The following DNAH7 variants were observed in gnomAD, a reference collection of about 807,000 sequenced individuals.
DNAH7 encodes dynein axonemal heavy chain 7.
DNAH7 carries 397 observed loss-of-function variants against 444.6 expected under a neutral mutation model. The ratio of observed to expected loss-of-function variants is 0.89; its 90% confidence interval spans 0.82 to 0.97. The LOEUF (loss-of-function observed/expected upper bound fraction) is 0.97, where lower values mean the gene tolerates loss of function less well. Among genes scored for constraint, DNAH7 ranks in the 50% least tolerant of loss-of-function variants. The pLI is 0.00. For missense variants in DNAH7, 4,902 were observed against 4,800.8 expected (o/e 1.02, Z -0.62); for synonymous variants, 1,636 against 1,624.4 (o/e 1.01, Z -0.17).
chr2:195,933,700 G>A (rs1688854151), intron 21 of DNAH7, among the ~76,000 whole-genome samples: 1 of 139,728 alleles, frequency 7.2e-6, no homozygotes, highest in African/African-American at 2.7e-5. Flanking sequence ...ATTGAACAAT[G>A]AGAACACATG....
chr2:195,866,157 A>G (rs1700329845), intron 40 of DNAH7, among the ~76,000 whole-genome samples: 1 of 152,244 alleles, frequency 6.6e-6, no homozygotes, highest in Admixed American at 6.5e-5. Context: ...CCTATAAAAT[A>G]GAAGTAGTAT....
intron 17 of DNAH7, among the ~76,000 whole-genome samples, chr2:195,963,211 C>G (rs542047058): frequency 6.6e-6 from 1 of 152,336 alleles, no homozygotes; most frequent in East Asian, 1.9e-4. Flanking sequence ...AGTAGTTGTA[C>G]TAACTTACCT....
intron 49 of DNAH7, among the ~76,000 whole-genome samples, chr2:195,819,974 G>C (rs747840878): frequency 3.3e-5 from 5 of 152,122 alleles, no homozygotes; most frequent in Admixed American, 6.6e-5. Flanking sequence ...CCAGGATTGA[G>C]AACAATTGCT....
intron 19 of DNAH7, among the ~76,000 whole-genome samples, chr2:195,950,239 C>T (rs1328539817): frequency 6.6e-6 from 1 of 151,596 alleles, no homozygotes; most frequent in South Asian, 2.1e-4. Context: ...TGGTCCTGGG[C>T]TTTTTTTTGG....
chr2:195,931,323 G>T (rs3921798), intron 21 of DNAH7, among the ~76,000 whole-genome samples: 1 of 151,686 alleles, frequency 6.6e-6, no homozygotes, highest in African/African-American at 2.4e-5. Flanking sequence ...TGGATATTAG[G>T]CCTTTGTCAG....
In DNAH7 at chr2:195,931,292, GT is replaced by G. The variant is rs569166784; in HGVS notation, c.3471+3298del. On this transcript the variant is annotated intron_variant, in intron 21 of 64. Transcript: ENST00000312428. ...GGGGTTGTTGTTTTCTTGTAAATTT[GT>G]TTGAGTTCATTGTAGATTCTGGATA... Among the ~76,000 whole-genome samples, 768 of 152,248 alleles carry G rather than the reference GT, an allele frequency of 5.0e-3. 3 individuals carry two copies. Among genetic ancestry groups the G allele is most frequent in the Non-Finnish European group, 7.6e-3 (519 of 68,018 alleles).
intron 61 of DNAH7, among the ~76,000 whole-genome samples, chr2:195,761,146 A>AT (rs1329363000): frequency 1.3e-5 from 2 of 151,944 alleles, no homozygotes. Context: ...AGAGATTGAG[A>AT]TTTTTTTAAA....
At position 195,864,592 on chromosome 2, in the gene DNAH7, C is replaced by T; in HGVS notation, c.7063G>A (p.Ala2355Thr). ...SGRQSVTRLA[A>T]HMADYSVFQV... ...AAAACTGAATAATCAGCCATGTGGG[C>T]AGCTAATCTGGTGACAGACTGCCTT... is the stretch of plus-strand genomic sequence containing the variant. The change falls in exon 41 of 65, where the codon GCC (alanine) becomes ACC (threonine). Residue 2355 changes from alanine (A) to threonine (T), a missense_variant. Physicochemically the swap from Ala to Thr is moderately conservative, Grantham distance 58 (BLOSUM62 0). Coordinates refer to ENST00000312428, the MANE Select transcript of DNAH7 (RefSeq NM_018897.3). 1 of 1,614,146 alleles carries T rather than the reference C, an allele frequency of 6.2e-7. No individual in the cohort carries two copies. Among genetic ancestry groups the T allele is most frequent in the Non-Finnish European group, 8.5e-7 (1 of 1,180,012 alleles).
At chr2:195,757,241 T>G (rs1694121471) in intron 61 of DNAH7, among the ~76,000 whole-genome samples, 1 of 152,238 alleles carries the variant, frequency 6.6e-6, no homozygotes, top group Non-Finnish European at 1.5e-5. Context: ...GAATAAGTAA[T>G]ACAGTTCTAT....
At chr2:196,023,002 C>CAT (rs1695471098) in intron 8 of DNAH7, among the ~76,000 whole-genome samples, 2 of 152,272 alleles carry the variant, frequency 1.3e-5, no homozygotes, top group Non-Finnish European at 2.9e-5. Context: ...CAGGTGCCAG[C>CAT]ACAGTCCCTG....
At chr2:195,992,779 G>T (rs541713505) in intron 12 of DNAH7, among the ~76,000 whole-genome samples, 14 of 152,160 alleles carry the variant, frequency 9.2e-5, no homozygotes, top group Non-Finnish European at 2.1e-4. Flanking sequence ...TAACTGGTAG[G>T]ATTTGCAGCT....
At position 196,022,604 on chromosome 2, in the gene DNAH7, G is replaced by T. The variant is rs537566955; in HGVS notation, c.743+1825C>A. 1.1e-4 allele frequency among the ~76,000 whole-genome samples: 17 copies of T among 152,208 alleles called. No individual in the cohort carries two copies. The South Asian group carries it at 3.5e-3, about 32-fold the overall frequency. On this transcript the variant is annotated intron_variant, in intron 8 of 64. Transcript: ENST00000312428. ...GGGAGAAATTCAGTCACATCTTCAG[G>T]CTCCACTTCTAATTCTTGTTCTCTG...
chr2:195,821,228 A>C (rs1168922407), intron 49 of DNAH7, among the ~76,000 whole-genome samples: 1 of 152,126 alleles, frequency 6.6e-6, no homozygotes, highest in Non-Finnish European at 1.5e-5. Flanking sequence ...GACTTTTTTA[A>C]AGCACCTTTG....
intron 17 of DNAH7, among the ~76,000 whole-genome samples, chr2:195,967,683 G>T (rs549887884): frequency 6.6e-6 from 1 of 152,188 alleles, no homozygotes; most frequent in Non-Finnish European, 1.5e-5. Flanking sequence ...GTCCTGGCCT[G>T]TAAGGTTCCC....
chr2:195,835,922 A>G (rs1387443688), intron 47 of DNAH7, among the ~76,000 whole-genome samples: 1 of 152,218 alleles, frequency 6.6e-6, no homozygotes, highest in African/African-American at 2.4e-5. Flanking sequence ...CAATGTGAGC[A>G]TTATCCTTGT....
intron 12 of DNAH7, among the ~76,000 whole-genome samples, chr2:195,992,688 A>C (rs1322496866): frequency 2.0e-5 from 3 of 152,306 alleles, no homozygotes; most frequent in South Asian, 4.2e-4. Context: ...AGTATCCAAA[A>C]AATGGATTGA....
Position 196,026,917 on chromosome 2 carries a change from A to G in DNAH7, c.510T>C (p.His170=). Residue 170 remains histidine, a synonymous_variant, in exon 7 of 65, where the codon CAT becomes CAC. Coordinates refer to ENST00000312428, the MANE Select transcript of DNAH7 (RefSeq NM_018897.3). ...DILRYYYYIH[H]GIDTDHVAPM... Reference sequence around the variant, plus strand: ...GGGCTACATGGTCTGTATCAATTCCATGGTGAATATAATAGTAATATCTCT... The same window carrying G: ...GGGCTACATGGTCTGTATCAATTCCGTGGTGAATATAATAGTAATATCTCT... The G allele has an allele frequency of 1.2e-6, 2 of 1,609,124 alleles. No homozygotes were observed. Among genetic ancestry groups the G allele is most frequent in the South Asian group, 1.1e-5 (1 of 90,274 alleles).
intron 31 of DNAH7, among the ~76,000 whole-genome samples, chr2:195,890,298 A>G: frequency 6.6e-6 from 1 of 152,142 alleles, no homozygotes; most frequent in East Asian, 1.9e-4. Flanking sequence ...TGGGCTTCCC[A>G]TGCCTGTTAT....
intron 16 of DNAH7, among the ~76,000 whole-genome samples, chr2:195,970,665 A>C (rs779784983): frequency 9.2e-5 from 14 of 152,226 alleles, no homozygotes; most frequent in Non-Finnish European, 1.6e-4. Flanking sequence ...TAGTGTTCTA[A>C]TATAAGATAG....
Sources: allele counts gnomAD v4.1 joint callset (sites outside exome capture counted in the v4.1 genomes callset), GRCh38; gene constraint gnomAD v4.1.1; transcripts MANE v1.5; gene names NCBI Gene and HGNC (gene_info 2026-07-23, HGNC 2026-07-21).